Variants in DCPS observed in about 807,000 individuals in gnomAD.
DCPS encodes decapping enzyme, scavenger.
DCPS carries 27 observed loss-of-function variants against 34.7 expected under a neutral mutation model. That is an observed-to-expected ratio of 0.78 (90% confidence interval 0.57 to 1.07). DCPS has a LOEUF of 1.07. Ranked by LOEUF, DCPS falls within the 50% of genes least tolerant of loss-of-function variation. DCPS has a pLI of 0.00. For synonymous variants in DCPS, 185 were observed against 185.7 expected (o/e 1.00, Z 0.03); for missense variants, 464 against 436.9 (o/e 1.06, Z -0.55).
In DCPS at chr11:126,305,342, T is replaced by G. The variant is rs1234063652; in HGVS notation, c.201+1061T>G. ...GTTGGCCAGGCTGGTCTCGAACTCC[T>G]GACCTCAGGTGATCCGCCTGCCTCT... On this transcript the variant is annotated intron_variant, in intron 1 of 5. Coordinates refer to ENST00000263579, the MANE Select transcript of DCPS (RefSeq NM_014026.6). Among the ~76,000 whole-genome samples, 18 of 150,980 alleles carry G rather than the reference T, an allele frequency of 1.2e-4. 1 individual carries two copies. The South Asian group carries it at 3.6e-3, about 30-fold the overall frequency.
At chr11:126,326,850 G>A (rs1951743753) in intron 2 of DCPS, among the ~76,000 whole-genome samples, 1 of 151,986 alleles carries the variant, frequency 6.6e-6, no homozygotes, top group South Asian at 2.1e-4. Flanking sequence ...GTGAGCCCGG[G>A]AGGCGGAGCT....
Position 126,333,791 on chromosome 11 carries a change from T to C in DCPS, c.522+2241T>C, listed in dbSNP as rs1037632937. On this transcript the variant is annotated intron_variant, in intron 3 of 5. Transcript: ENST00000263579. The surrounding 1 kb of genome is among the most constrained non-coding windows in gnomAD (Gnocchi z 5.7). ...GCTTACCATCAGGATTGCCTGGGGGTTTTCATAAATACCGAGCACAGAGCA... is the reference window on the plus strand; with the variant it reads ...GCTTACCATCAGGATTGCCTGGGGGCTTTCATAAATACCGAGCACAGAGCA... 2.0e-5 allele frequency among the ~76,000 whole-genome samples: 3 copies of C among 151,544 alleles called. No homozygotes were observed. Among genetic ancestry groups the C allele is most frequent in the Non-Finnish European group, 4.4e-5 (3 of 67,916 alleles).
rs1448307927 is a variant in DCPS at position 126,319,441 on chromosome 11, A to C, written c.377-11964A>C. On this transcript the variant is annotated intron_variant, in intron 2 of 5. Transcript: ENST00000263579. This position sits in a 1 kb window ranked among gnomAD's most constrained non-coding sequence, Gnocchi z 4.5. ...CTCCCCCCAGAACCTGCTGTCCCGC[A>C]GCATTTGGCCACAGTATCCCCTGGT... Among the ~76,000 whole-genome samples, 1 of 152,090 alleles carries C rather than the reference A, an allele frequency of 6.6e-6. No individual in the cohort carries two copies. The highest frequency in any genetic ancestry group is 1.5e-5 in the Non-Finnish European group (1 of 68,016).
Position 126,329,566 on chromosome 11 carries a change from G to C in DCPS, c.377-1839G>C, listed in dbSNP as rs1052419773. Among the ~76,000 whole-genome samples, 12 of 152,170 alleles carry C rather than the reference G, an allele frequency of 7.9e-5. No individual in the cohort carries two copies. Among genetic ancestry groups the C allele is most frequent in the African/African-American group, 2.7e-4 (11 of 41,450 alleles). On this transcript the variant is annotated intron_variant, in intron 2 of 5. Transcript: ENST00000263579. This position sits in a 1 kb window ranked among gnomAD's most constrained non-coding sequence, Gnocchi z 5.0. ...TTGATGGGACAGAAGCCACGTGCCT[G>C]GTATGTCATCTCTGTGCATCCCCAC...
rs1050474343 is a variant in DCPS at position 126,304,090 on chromosome 11, G to A, written c.10G>A (p.Ala4Thr). 5 of 1,602,016 alleles carry A rather than the reference G, an allele frequency of 3.1e-6. No homozygotes were observed. The highest frequency in any genetic ancestry group is 1.1e-5 in the South Asian group (1 of 89,970). MAD[A>T]APQLGKRKRE... ...CCGCCTCCGCGGCAGCATGGCGGAC[G>A]CAGCTCCTCAACTAGGCAAGAGGAA... is the stretch of plus-strand genomic sequence containing the variant. Residue 4 changes from alanine to threonine, a missense_variant, in exon 1 of 6, where the codon GCA becomes ACA. Coordinates refer to ENST00000263579, the MANE Select transcript of DCPS (RefSeq NM_014026.6).
In DCPS at chr11:126,329,714, CTT is replaced by C. The variant is rs1951767302; in HGVS notation, c.377-1688_377-1687del. On this transcript the variant is annotated intron_variant, in intron 2 of 5. Coordinates refer to ENST00000263579, the MANE Select transcript of DCPS (RefSeq NM_014026.6). The surrounding 1 kb of genome is among the most constrained non-coding windows in gnomAD (Gnocchi z 5.0). ...TTTCACGGTGTGATACTGGATGACT[CTT>C]TTGAGTCCCAGCCCACCCTCTTCAC... Among the ~76,000 whole-genome samples the C allele has an allele frequency of 6.6e-6, 1 of 152,306 alleles. No individual in the cohort carries two copies. Among genetic ancestry groups the C allele is most frequent in the African/African-American group, 2.4e-5 (1 of 41,564 alleles).
rs2135312171 is a variant in DCPS at position 126,312,447 on chromosome 11, T to G, written c.376+5703T>G. ...TCCACCTCCCGGGTTCAAGCCATTCTCCTGCCTCAGCCTCCTGAGTAGCTG... is the reference window on the plus strand; with the variant it reads ...TCCACCTCCCGGGTTCAAGCCATTCGCCTGCCTCAGCCTCCTGAGTAGCTG... On this transcript the variant is annotated intron_variant, in intron 2 of 5. Transcript: ENST00000263579. The surrounding 1 kb of genome is among the most constrained non-coding windows in gnomAD (Gnocchi z 5.1). Among the ~76,000 whole-genome samples the G allele has an allele frequency of 6.6e-6, 1 of 152,222 alleles. No homozygotes were observed. Among genetic ancestry groups the G allele is most frequent in the East Asian group, 1.9e-4 (1 of 5,178 alleles).
In DCPS at chr11:126,304,089, C is replaced by G. The variant is rs1182076733; in HGVS notation, c.9C>G (p.Asp3Glu). The change falls in exon 1 of 6, where the codon GAC becomes GAG. Residue 3 changes from aspartate (D) to glutamate (E), a missense_variant. By Grantham distance (45) the Asp-to-Glu change is conservative. Transcript: ENST00000263579. MA[D>E]AAPQLGKRKR... ...ACCGCCTCCGCGGCAGCATGGCGGA[C>G]GCAGCTCCTCAACTAGGCAAGAGGA... 1.2e-6 allele frequency: 2 copies of G among 1,601,210 alleles called. No individual in the cohort carries two copies. The highest frequency in any genetic ancestry group is 1.7e-6 in the Non-Finnish European group (2 of 1,174,106).
In DCPS at chr11:126,343,422, G is replaced by A. The variant is rs1275670249; in HGVS notation, c.747+5G>A. On this transcript the variant is annotated splice_donor_5th_base_variant and intron_variant, in intron 5 of 5. Coordinates refer to ENST00000263579, the MANE Select transcript of DCPS (RefSeq NM_014026.6). Reference sequence around the variant, plus strand: ...AACATCCTCCACCAGGGGCAGGTGAGTGGCTTCACCAAACCACGTGGAAGC... The same window carrying A: ...AACATCCTCCACCAGGGGCAGGTGAATGGCTTCACCAAACCACGTGGAAGC... The A allele has an allele frequency of 1.9e-6, 3 of 1,610,188 alleles. No homozygotes were observed. The highest frequency in any genetic ancestry group is 3.3e-5 in the Admixed American group (2 of 59,812).
intron 1 of DCPS, 102 bp from the exon 2 acceptor site, chr11:126,306,468 C>T: frequency 7.8e-7 from 1 of 1,283,752 alleles, no homozygotes; most frequent in East Asian, 2.6e-5. Flanking sequence ...GAAGGAAATC[C>T]CAAGTATTGG....
At position 126,319,278 on chromosome 11, in the gene DCPS, C is replaced by T. The variant is rs1293085099; in HGVS notation, c.377-12127C>T. Among the ~76,000 whole-genome samples, 1 of 152,154 alleles carries T rather than the reference C, an allele frequency of 6.6e-6. No individual in the cohort carries two copies. Among genetic ancestry groups the T allele is most frequent in the Non-Finnish European group, 1.5e-5 (1 of 68,032 alleles). On this transcript the variant is annotated intron_variant, in intron 2 of 5. Coordinates refer to ENST00000263579, the MANE Select transcript of DCPS (RefSeq NM_014026.6). The surrounding 1 kb of genome is among the most constrained non-coding windows in gnomAD (Gnocchi z 4.5). ...CTGGGACTTCCCCCTTCATGCCTCCCACCCCATAATCTAACACTGCTATAC... is the reference window on the plus strand; with the variant it reads ...CTGGGACTTCCCCCTTCATGCCTCCTACCCCATAATCTAACACTGCTATAC...
intron 2 of DCPS, among the ~76,000 whole-genome samples, chr11:126,318,500 G>A (rs1008021902): frequency 6.6e-6 from 1 of 152,170 alleles, no homozygotes; most frequent in Non-Finnish European, 1.5e-5. Flanking sequence ...CCACAGAGGA[G>A]GAAAGAGAAA....
Position 126,320,414 on chromosome 11 carries a change from G to T in DCPS, c.377-10991G>T, listed in dbSNP as rs1032470843. 6.6e-6 allele frequency among the ~76,000 whole-genome samples: 1 copy of T among 152,164 alleles called. No homozygotes were observed. The highest frequency in any genetic ancestry group is 2.4e-5 in the African/African-American group (1 of 41,448). On this transcript the variant is annotated intron_variant, in intron 2 of 5. Coordinates refer to ENST00000263579, the MANE Select transcript of DCPS (RefSeq NM_014026.6). The surrounding 1 kb of genome is among the most constrained non-coding windows in gnomAD (Gnocchi z 4.7). ...AGGAGGACAGGGACATGGGCTTCTA[G>T]TGCAAAGGGGACAGTTTGAATGCCC...
At chr11:126,307,332 CAAA>C (rs113182860) in intron 2 of DCPS, among the ~76,000 whole-genome samples, 14 of 83,414 alleles carry the variant, frequency 1.7e-4, no homozygotes, top group Admixed American at 2.5e-4. Context: ...AACCCTATCT[CAAA>C]AAAAAAAAAA....
rs986009482 is a variant in DCPS, at chr11:126,346,321, A to G, written c.*708A>G. On this transcript the variant is annotated 3_prime_UTR_variant, in exon 6 of 6. Coordinates refer to ENST00000263579, the MANE Select transcript of DCPS (RefSeq NM_014026.6). The surrounding 1 kb of genome is among the most constrained non-coding windows in gnomAD (Gnocchi z 4.1). ...CGGCAGGAAGACAAAACAGACTCAC[A>G]TGAAGCAGCCAGAAGATCAAGTGCA... Among the ~76,000 whole-genome samples the G allele has an allele frequency of 6.6e-6, 1 of 152,230 alleles. No homozygotes were observed. Among genetic ancestry groups the G allele is most frequent in the Non-Finnish European group, 1.5e-5 (1 of 68,042 alleles).
In DCPS at chr11:126,331,637, G is replaced by A; in HGVS notation, c.522+87G>A. 6 of 1,523,632 alleles carry A rather than the reference G, an allele frequency of 3.9e-6. No homozygotes were observed. The highest frequency in any genetic ancestry group is 5.3e-6 in the Non-Finnish European group (6 of 1,128,928). The allele number at this position is 1,523,632 out of a possible 1,614,324, so 94.4% of individuals were successfully genotyped here. ...AGTGTCTATTGGGGTCATATTAGGG[G>A]CCAGGCGCTGTGCTGGGCGAGGGGA... On this transcript the variant is annotated intron_variant, in intron 3 of 5. Transcript: ENST00000263579. This position sits in a 1 kb window ranked among gnomAD's most constrained non-coding sequence, Gnocchi z 7.2.
chr11:126,310,231 C>T (rs1025481639), intron 2 of DCPS, among the ~76,000 whole-genome samples: 3 of 152,152 alleles, frequency 2.0e-5, no homozygotes, highest in African/African-American at 7.2e-5. Flanking sequence ...CGACGCCCAC[C>T]TTTATTTCTC....
Position 126,332,894 on chromosome 11 carries a change from T to G in DCPS, c.522+1344T>G, listed in dbSNP as rs1334345125. On this transcript the variant is annotated intron_variant, in intron 3 of 5. Coordinates refer to ENST00000263579, the MANE Select transcript of DCPS (RefSeq NM_014026.6). This position sits in a 1 kb window ranked among gnomAD's most constrained non-coding sequence, Gnocchi z 5.4. ...CTGTTCAGGGTCCTAGGGAATCTCCTGGAACAGTTGTTCTGTTGTGCTGGT... is the reference window on the plus strand; with the variant it reads ...CTGTTCAGGGTCCTAGGGAATCTCCGGGAACAGTTGTTCTGTTGTGCTGGT... 6.6e-6 allele frequency among the ~76,000 whole-genome samples: 1 copy of G among 152,230 alleles called. No individual in the cohort carries two copies. Among genetic ancestry groups the G allele is most frequent in the African/African-American group, 2.4e-5 (1 of 41,462 alleles).
At position 126,349,712 on chromosome 11, in the gene DCPS, C is replaced by T. The variant is rs1231894994; in HGVS notation, c.*4099C>T. Among the ~76,000 whole-genome samples the T allele has an allele frequency of 1.3e-5, 2 of 152,168 alleles. No individual in the cohort carries two copies. Among genetic ancestry groups the T allele is most frequent in the African/African-American group, 2.4e-5 (1 of 41,426 alleles). ...TGTAGGTCTGCCAACTCTTCCTTCT[C>T]AGGAAGGACTGTTTTTATTCCAAAC... On this transcript the variant is annotated 3_prime_UTR_variant, in exon 6 of 6. Transcript: ENST00000263579. The surrounding 1 kb of genome is among the most constrained non-coding windows in gnomAD (Gnocchi z 5.4).
Sources: allele counts gnomAD v4.1 joint callset (sites outside exome capture counted in the v4.1 genomes callset), GRCh38; gene constraint gnomAD v4.1.1; non-coding constraint Gnocchi (gnomAD v3.1); transcripts MANE v1.5; gene names NCBI Gene and HGNC (gene_info 2026-07-23, HGNC 2026-07-21).